The following RGS12 variants were observed in gnomAD, a reference collection of about 807,000 sequenced individuals.
RGS12 encodes regulator of G-protein signaling 12.
In RGS12, 66 loss-of-function variants were observed where a neutral mutation model predicts 120.1. The observed-to-expected ratio is 0.55, with a 90% CI of 0.45 to 0.67. The LOEUF (loss-of-function observed/expected upper bound fraction) is 0.67. Among genes scored for constraint, RGS12 ranks in the 30% least tolerant of loss-of-function variants. The pLI, the probability that RGS12 is intolerant of heterozygous loss-of-function variation, is 0.00. For missense variants in RGS12, 1,859 were observed against 1,957.7 expected, an observed-to-expected ratio of 0.95 and a Z score of 0.95; for synonymous variants, 827 against 804.7, an observed-to-expected ratio of 1.03 and a Z score of -0.47.
Position 3,316,513 on chromosome 4 carries a change from G to T in RGS12, c.343G>T (p.Glu115Ter). 1 of 1,614,186 alleles carries T rather than the reference G, an allele frequency of 6.2e-7. No homozygotes were observed. Among genetic ancestry groups the T allele is most frequent in the Non-Finnish European group, 8.5e-7 (1 of 1,180,048 alleles). Reference protein sequence around the residue: ...CSSDEEGGLYEGKGWLKPKLD... With the variant: ...CSSDEEGGLY ...CAGTGATGAAGAAGGGGGACTCTATGAAGGAAAAGGCTGGCTGAAGCCCAA... is the reference window on the plus strand; with the variant it reads ...CAGTGATGAAGAAGGGGGACTCTATTAAGGAAAAGGCTGGCTGAAGCCCAA... The change falls in exon 2 of 18, where the codon GAA becomes TAA. Residue 115 changes from glutamate to a stop codon, truncating the protein, a stop_gained. Coordinates refer to ENST00000336727, the MANE Select transcript of RGS12 (RefSeq NM_001394154.1). LOFTEE classifies it high-confidence loss of function.
intron 3 of RGS12, among the ~76,000 whole-genome samples, chr4:3,371,166 G>C (rs1310023803): frequency 6.6e-6 from 1 of 152,230 alleles, no homozygotes; most frequent in Non-Finnish European, 1.5e-5. Flanking sequence ...GGCAGGGCCA[G>C]CATGAGCCTG....
chr4:3,315,612 G>T (rs1210104819), intron 1 of RGS12, among the ~76,000 whole-genome samples: 1 of 152,250 alleles, frequency 6.6e-6, no homozygotes, highest in Non-Finnish European at 1.5e-5. Flanking sequence ...TTCTGCAGGT[G>T]CCTTTGAACC....
intron 16 of RGS12, among the ~76,000 whole-genome samples, chr4:3,429,241 G>C (rs1219859154): frequency 2.0e-5 from 3 of 152,274 alleles, no homozygotes; most frequent in African/African-American, 7.2e-5. Flanking sequence ...CACACTGGAA[G>C]ACTGAGATGG....
intron 2 of RGS12, chr4:3,342,640 T>C (rs1464497681): frequency 8.0e-7 from 1 of 1,248,152 alleles, no homozygotes; most frequent in East Asian, 4.1e-5. Context: ...GTAACAGCCT[T>C]GTGGGTGGGC....
chr4:3,302,236 G>A (rs1251453616), intron 1 of RGS12, among the ~76,000 whole-genome samples: 2 of 152,188 alleles, frequency 1.3e-5, no homozygotes, highest in South Asian at 2.1e-4. Context: ...TGTGGCCTCC[G>A]TGTGTCCTGT....
upstream of RGS12, among the ~76,000 whole-genome samples, chr4:3,290,618 G>T (rs1722984954): frequency 6.6e-6 from 1 of 152,260 alleles, no homozygotes; most frequent in African/African-American, 2.4e-5. Flanking sequence ...ACTCAGGAGT[G>T]CCTCCTTAAG....
Position 3,416,998 on chromosome 4 carries a change from G to A in RGS12, c.2513G>A (p.Gly838Asp), listed in dbSNP as rs780899532. The A allele has an allele frequency of 6.2e-7, 1 of 1,613,350 alleles. No individual in the cohort carries two copies. Among genetic ancestry groups the A allele is most frequent in the African/African-American group, 1.3e-5 (1 of 74,938 alleles). The part of the protein sequence containing the change: ...YQECILAEVE[G>D]RALPDSQQVP... ...GAATGCATCCTGGCGGAAGTGGAGGGCCGTGCACTCCCGGACTCGCAGCAG... is the reference window on the plus strand; with the variant it reads ...GAATGCATCCTGGCGGAAGTGGAGGACCGTGCACTCCCGGACTCGCAGCAG... Residue 838 changes from glycine to aspartate, a missense_variant, in exon 8 of 18, where the codon GGC (glycine) becomes GAC (aspartate). By Grantham distance (94) the Gly-to-Asp change is moderately conservative. Coordinates refer to ENST00000336727, the MANE Select transcript of RGS12 (RefSeq NM_001394154.1).
chr4:3,428,501 T>A, intron 15 of RGS12, 57 bp from the exon 16 acceptor site: 1 of 1,402,960 alleles, frequency 7.1e-7, no homozygotes, highest in Non-Finnish European at 9.8e-7. Context: ...AACTAATGAA[T>A]GATGTATTGT....
intron 2 of RGS12, among the ~76,000 whole-genome samples, chr4:3,329,611 C>T (rs887292185): frequency 6.6e-6 from 1 of 151,984 alleles, no homozygotes; most frequent in Non-Finnish European, 1.5e-5. Context: ...GTGCGGCGCA[C>T]CCGAGAGGGC....
In RGS12 at chr4:3,439,490, A is replaced by G; in HGVS notation, c.4150A>G (p.Asn1384Asp). 1 of 1,612,798 alleles carries G rather than the reference A, an allele frequency of 6.2e-7. No homozygotes were observed. Among genetic ancestry groups the G allele is most frequent in the Non-Finnish European group, 8.5e-7 (1 of 1,179,894 alleles). ...GTHGSRDLPV[N>D]RIIDVDLVTG... ...CCATGGCAGCCGAGACCTCCCAGTC[A>G]ACAGAATCATCGATGTGGATCTTGT... is the stretch of plus-strand genomic sequence containing the variant. Residue 1384 changes from asparagine (N) to aspartate (D), a missense_variant, in exon 18 of 18, where the codon AAC becomes GAC. By Grantham distance (23) the Asn-to-Asp change is conservative. Coordinates refer to ENST00000336727, the MANE Select transcript of RGS12 (RefSeq NM_001394154.1).
intron 2 of RGS12, among the ~76,000 whole-genome samples, chr4:3,335,133 C>T (rs572042341): frequency 4.6e-5 from 7 of 152,246 alleles, no homozygotes; most frequent in South Asian, 2.1e-4. Flanking sequence ...AAATTAATAT[C>T]TCTACTTAAA....
At chr4:3,392,015 G>A (rs1295293838) in intron 4 of RGS12, among the ~76,000 whole-genome samples, 1 of 152,212 alleles carries the variant, frequency 6.6e-6, no homozygotes, top group East Asian at 1.9e-4. Context: ...AATGTTAATA[G>A]ATTTGCTCTC....
At chr4:3,376,347 C>G (rs1002229232) in intron 3 of RGS12, among the ~76,000 whole-genome samples, 1 of 152,176 alleles carries the variant, frequency 6.6e-6, no homozygotes, top group African/African-American at 2.4e-5. Flanking sequence ...CTGCCCTCCC[C>G]GCAGACCGTG....
chr4:3,312,929 AT>A (rs143481380), intron 1 of RGS12: 98 of 154,864 alleles, frequency 6.3e-4, no homozygotes, highest in Admixed American at 2.4e-3. Flanking sequence ...AAAAAAAAAA[AT>A]AGTTAGCCGA....
chr4:3,301,256 A>G (rs1723670898), intron 1 of RGS12, among the ~76,000 whole-genome samples: 1 of 152,202 alleles, frequency 6.6e-6, no homozygotes, highest in South Asian at 2.1e-4. Context: ...ACAGGTGCAC[A>G]GCTTGTCCTT....
chr4:3,315,471 T>TA (rs764957614), intron 1 of RGS12, among the ~76,000 whole-genome samples: 1 of 152,242 alleles, frequency 6.6e-6, no homozygotes, highest in South Asian at 2.1e-4. Context: ...TTCAGGCTAA[T>TA]ACGTTTTCCC....
intron 1 of RGS12, among the ~76,000 whole-genome samples, chr4:3,304,823 T>A (rs890037453): frequency 3.3e-5 from 5 of 152,226 alleles, no homozygotes; most frequent in Non-Finnish European, 7.3e-5. Context: ...CAAACGACCC[T>A]GGAGCTATTT....
rs966506763 is a variant in RGS12 at position 3,389,650 on chromosome 4, C to G, written c.2020+3213C>G. Among the ~76,000 whole-genome samples, 1 of 152,160 alleles carries G rather than the reference C, an allele frequency of 6.6e-6. No individual in the cohort carries two copies. Among genetic ancestry groups the G allele is most frequent in the Non-Finnish European group, 1.5e-5 (1 of 68,028 alleles). On this transcript the variant is annotated intron_variant, in intron 4 of 17. Coordinates refer to ENST00000336727, the MANE Select transcript of RGS12 (RefSeq NM_001394154.1). This position sits in a 1 kb window ranked among gnomAD's most constrained non-coding sequence, Gnocchi z 5.2. ...ACTGCAGCCTCCACAGGTGGATGTTCCCGCTGTGACCACCTCACCTTCTGA... is the reference window on the plus strand; with the variant it reads ...ACTGCAGCCTCCACAGGTGGATGTTGCCGCTGTGACCACCTCACCTTCTGA...
chr4:3,323,872 T>TGAGAGA (rs72232319), intron 2 of RGS12: 6 of 138,686 alleles, frequency 4.3e-5, no homozygotes, highest in East Asian at 2.2e-4. Flanking sequence ...TGTGTGTGTG[T>TGAGAGA]GAGAGAGAGA....
Sources: allele counts gnomAD v4.1 joint callset (sites outside exome capture counted in the v4.1 genomes callset), GRCh38; gene constraint gnomAD v4.1.1; non-coding constraint Gnocchi (gnomAD v3.1); transcripts MANE v1.5; gene names NCBI Gene and HGNC (gene_info 2026-07-23, HGNC 2026-07-21).